WWC1: variants seen among roughly 807,000 people sequenced by gnomAD.
WWC1 encodes WW and C2 domain containing 1.
A neutral mutation model predicts 138.4 loss-of-function variants in WWC1; 55 were observed. The observed-to-expected ratio is 0.40, with a 90% CI of 0.32 to 0.50. The LOEUF is 0.50. Among genes scored for constraint, WWC1 ranks in the 20% least tolerant of loss-of-function variants. The pLI, the probability that WWC1 is intolerant of heterozygous loss-of-function variation, is 0.72. For synonymous variants in WWC1, 524 were observed against 564.9 expected, an observed-to-expected ratio of 0.93 and a Z score of 1.03; for missense variants, 1,226 against 1,420.4, an observed-to-expected ratio of 0.86 and a Z score of 2.20.
chr5:168,345,357 A>G (rs1272316366), intron 1 of WWC1, among the ~76,000 whole-genome samples: 3 of 152,176 alleles, frequency 2.0e-5, no homozygotes, highest in Admixed American at 1.3e-4. Flanking sequence ...CTCACCTCCC[A>G]AAGTGCTGGG....
intron 15 of WWC1, 80 bp downstream of exon 15, chr5:168,431,524 G>T: frequency 6.7e-7 from 1 of 1,493,464 alleles, no homozygotes; most frequent in South Asian, 1.3e-5. Flanking sequence ...CTGTGTTTAT[G>T]GGGATTGGTC....
intron 1 of WWC1, among the ~76,000 whole-genome samples, chr5:168,331,180 A>G (rs577688219): frequency 6.6e-6 from 1 of 152,340 alleles, no homozygotes; most frequent in East Asian, 1.9e-4. Context: ...GGACACTGAC[A>G]AGTCTAAGGT....
chr5:168,459,567 C>A (rs1024784602), intron 19 of WWC1, among the ~76,000 whole-genome samples: 1 of 152,148 alleles, frequency 6.6e-6, no homozygotes, highest in Non-Finnish European at 1.5e-5. Flanking sequence ...GTCACTGAAG[C>A]ACCTGGCACG....
chr5:168,386,641 T>C (rs1481651602), intron 3 of WWC1, among the ~76,000 whole-genome samples: 1 of 151,812 alleles, frequency 6.6e-6, no homozygotes, highest in African/African-American at 2.4e-5. Flanking sequence ...GTGATGCGCC[T>C]GCCTCAGCCT....
intron 1 of WWC1, among the ~76,000 whole-genome samples, chr5:168,323,580 C>T (rs1252553789): frequency 6.6e-6 from 1 of 151,030 alleles, no homozygotes; most frequent in Non-Finnish European, 1.5e-5. Context: ...CAAGCTGAAG[C>T]ACAGAAGGAA....
At chr5:168,442,132 T>TA (rs969182531) in intron 16 of WWC1, among the ~76,000 whole-genome samples, 1 of 152,038 alleles carries the variant, frequency 6.6e-6, no homozygotes, top group Non-Finnish European at 1.5e-5. Context: ...GAGAAGAAGG[T>TA]AAAAAACTGT....
intron 1 of WWC1, among the ~76,000 whole-genome samples, chr5:168,349,238 A>G (rs1182213117): frequency 6.6e-6 from 1 of 152,142 alleles, no homozygotes; most frequent in Admixed American, 6.5e-5. Flanking sequence ...TCATTCAGCC[A>G]TGCAGGTGTA....
At chr5:168,367,266 C>T (rs1379405777) in intron 1 of WWC1, among the ~76,000 whole-genome samples, 5 of 152,192 alleles carry the variant, frequency 3.3e-5, no homozygotes, top group Admixed American at 1.3e-4. Flanking sequence ...TTCTGTATCT[C>T]TAGCACAGCT....
At chr5:168,319,018 TAC>T (rs1223894288) in intron 1 of WWC1, among the ~76,000 whole-genome samples, 2 of 152,244 alleles carry the variant, frequency 1.3e-5, no homozygotes, top group African/African-American at 4.8e-5. Flanking sequence ...TACACATACA[TAC>T]ACACATATAC....
intron 5 of WWC1, among the ~76,000 whole-genome samples, chr5:168,400,370 C>T (rs1397768264): frequency 6.6e-6 from 1 of 152,116 alleles, no homozygotes; most frequent in Non-Finnish European, 1.5e-5. Context: ...CTGTGTTTTT[C>T]CCCTCTATGT....
chr5:168,317,991 A>G (rs1334178595), intron 1 of WWC1, among the ~76,000 whole-genome samples: 3 of 152,160 alleles, frequency 2.0e-5, no homozygotes, highest in African/African-American at 7.2e-5. Flanking sequence ...ATACTGCACA[A>G]TTCAGCTTCT....
chr5:168,310,759 A>G (rs975380331), intron 1 of WWC1, among the ~76,000 whole-genome samples: 1 of 150,488 alleles, frequency 6.6e-6, no homozygotes, highest in African/African-American at 2.4e-5. Context: ...GATCACTTGG[A>G]CCCAGGGGGT....
At chr5:168,328,677 G>T (rs1772773933) in intron 1 of WWC1, among the ~76,000 whole-genome samples, 1 of 152,124 alleles carries the variant, frequency 6.6e-6, no homozygotes. Flanking sequence ...CTCCCGAACA[G>T]CTGGGACTAC....
At position 168,326,216 on chromosome 5, in the gene WWC1, C is replaced by CTTTTTTTTTTTTTTTTTTTTTTTTT. The variant is rs796347858; in HGVS notation, c.119+33963_119+33964insTTTTTTTTTTTTTTTTTTTTTTTTT. ...TGGCTCAGGACACCGACCTGATAGT[C>CTTTTTTTTTTTTTTTTTTTTTTTTT]TTTTTTTTTTTTTTTTTTGGGACGG... On this transcript the variant is annotated intron_variant, in intron 1 of 22. Transcript: ENST00000265293. 2.6e-4 allele frequency among the ~76,000 whole-genome samples: 30 copies of CTTTTTTTTTTTTTTTTTTTTTTTTT among 113,286 alleles called. 1 individual carries two copies. The highest frequency in any genetic ancestry group is 1.0e-3 in the African/African-American group (30 of 29,162). 74.3% of individuals were successfully genotyped at this position (113,286 alleles called of 152,430 possible).
intron 1 of WWC1, among the ~76,000 whole-genome samples, chr5:168,360,432 CAG>C (rs1775798681): frequency 6.6e-6 from 1 of 152,210 alleles, no homozygotes; most frequent in African/African-American, 2.4e-5. Flanking sequence ...ACCTGCCTCA[CAG>C]AAATATTGTT....
At chr5:168,410,319 T>C in intron 8 of WWC1, 1 of 320,730 alleles carries the variant, frequency 3.1e-6, no homozygotes, top group Non-Finnish European at 5.9e-6. Context: ...CATTTTGGTT[T>C]GAAGGAGTAC....
chr5:168,314,223 AG>A (rs35185183), intron 1 of WWC1, among the ~76,000 whole-genome samples: 52,792 of 152,034 alleles, frequency 0.35, 9,562 homozygotes, highest in Admixed American at 0.41. Context: ...TAAGTTTCCC[AG>A]GCAGGGAGTT....
intron 21 of WWC1, among the ~76,000 whole-genome samples, chr5:168,466,393 A>G (rs1460224069): frequency 1.3e-5 from 2 of 152,194 alleles, no homozygotes; most frequent in African/African-American, 4.8e-5. Flanking sequence ...CACCCACGGC[A>G]AAAAAGACTT....
chr5:168,435,982 A>G (rs949169593), intron 15 of WWC1, among the ~76,000 whole-genome samples: 1 of 152,236 alleles, frequency 6.6e-6, no homozygotes, highest in Admixed American at 6.5e-5. Context: ...AGCTGGGACT[A>G]TAGGCACGCG....
Sources: gnomAD v4.1 joint callset for allele counts (sites outside exome capture counted in the v4.1 genomes callset) on GRCh38, gnomAD v4.1.1 for gene constraint, MANE v1.5 for transcripts, NCBI Gene and HGNC (gene_info 2026-07-23, HGNC 2026-07-21) for gene names.